Variants in RNF2 observed in about 807,000 individuals in gnomAD.
RNF2 encodes the protein ring finger protein 2, also known as E3 ubiquitin-protein ligase RING2.
Under a neutral mutation model 37.2 loss-of-function variants are expected in RNF2, and 6 were observed. That is an observed-to-expected ratio of 0.16 (90% CI 0.09 to 0.32). RNF2 has a LOEUF of 0.32. Ranked by LOEUF, RNF2 falls within the 10% of genes least tolerant of loss-of-function variation. RNF2 has a pLI of 1.00. For missense variants in RNF2, 251 were observed against 404.0 expected, an observed-to-expected ratio of 0.62 and a Z score of 3.25; for synonymous variants, 133 against 132.7, an observed-to-expected ratio of 1.00 and a Z score of -0.02.
chr1:185,089,081 G>A (rs1651689513), intron 2 of RNF2, among the ~76,000 whole-genome samples: 1 of 152,108 alleles, frequency 6.6e-6, no homozygotes, highest in Non-Finnish European at 1.5e-5. Context: ...ATGGTTTCAG[G>A]ATGAAACTGC....
chr1:185,093,227 G>A lies in RNF2; in HGVS notation c.415G>A (p.Ala139Thr). The change falls in exon 4 of 7, where the codon GCA (alanine) becomes ACA (threonine). Residue 139 changes from alanine (A) to threonine (T), a missense_variant. Transcript: ENST00000367510. The part of the protein sequence containing the change: ...ARINKHNNQQ[A>T]LSHSIEEGLK... ...GATCAACAAGCACAATAATCAGCAAGCACTCAGTCACAGCATTGAGGAAGG... is the reference window on the plus strand; with the variant it reads ...GATCAACAAGCACAATAATCAGCAAACACTCAGTCACAGCATTGAGGAAGG... 1.2e-6 allele frequency: 2 copies of A among 1,613,994 alleles called. No homozygotes were observed. The highest frequency in any genetic ancestry group is 1.7e-6 in the Non-Finnish European group (2 of 1,179,974).
At chr1:185,082,345 C>CTTTTTTTGTTTTTTTTTTTT in intron 1 of RNF2, among the ~76,000 whole-genome samples, 1 of 72,000 alleles carries the variant, frequency 1.4e-5, no homozygotes, top group Non-Finnish European at 2.9e-5. Flanking sequence ...CTCTGCAGAA[C>CTTTTTTTGTTTTTTTTTTTT]TTTTTTTTTT....
intron 1 of RNF2, chr1:185,045,992 C>T (rs910041917): frequency 1.5e-4 from 23 of 152,148 alleles, no homozygotes; most frequent in African/African-American, 4.8e-4. Context: ...CGGCGCGGTC[C>T]CCTCGCCTCC....
rs573673792 is a variant in RNF2, at chr1:185,081,037, T to C, written c.-2-6515T>C. ...GTTTTGGTTCTCTGAAAGATCTATC[T>C]AGGATATATGTTAGAAATAATGGCA... is the stretch of plus-strand genomic sequence containing the variant. On this transcript the variant is annotated intron_variant, in intron 1 of 6. Transcript: ENST00000367510. Among the ~76,000 whole-genome samples the C allele has an allele frequency of 3.9e-5, 6 of 152,294 alleles. No homozygotes were observed. The East Asian group carries it at 1.2e-3, about 29-fold the overall frequency.
At chr1:185,071,453 T>C (rs1650970618) in intron 1 of RNF2, 1 of 152,234 alleles carries the variant, frequency 6.6e-6, no homozygotes, top group Non-Finnish European at 1.5e-5. Context: ...AAATTACAGC[T>C]ATCTGTTTGG....
At chr1:185,061,257 A>G (rs1482746773) in intron 1 of RNF2, among the ~76,000 whole-genome samples, 3 of 151,542 alleles carry the variant, frequency 2.0e-5, no homozygotes, top group Non-Finnish European at 4.4e-5. Flanking sequence ...CCTCCCGAGT[A>G]GCTGGGACTA....
chr1:185,087,276 G>A (rs1034690543), intron 1 of RNF2, among the ~76,000 whole-genome samples: 4 of 152,192 alleles, frequency 2.6e-5, no homozygotes, highest in African/African-American at 9.7e-5. Context: ...AGCAGATGCA[G>A]TGTCTGGTGA....
At chr1:185,087,211 A>T (rs1230445750) in intron 1 of RNF2, among the ~76,000 whole-genome samples, 1 of 152,212 alleles carries the variant, frequency 6.6e-6, no homozygotes, top group African/African-American at 2.4e-5. Context: ...GTAATTTATA[A>T]GCAATAGAAA....
At chr1:185,058,489 A>G (rs1022849609) in intron 1 of RNF2, among the ~76,000 whole-genome samples, 1 of 152,226 alleles carries the variant, frequency 6.6e-6, no homozygotes, top group Admixed American at 6.5e-5. Context: ...CATGGACCTA[A>G]CAGGAATTTT....
chr1:185,091,454 A>G (rs1651763109), intron 2 of RNF2, 125 bp from the exon 3 acceptor site: 2 of 832,908 alleles, frequency 2.4e-6, no homozygotes, highest in African/African-American at 3.4e-5. Context: ...TGAGTTGACA[A>G]TGGCAGTGGC....
chr1:185,080,491 T>G (rs1328449483), intron 1 of RNF2, among the ~76,000 whole-genome samples: 1 of 152,166 alleles, frequency 6.6e-6, no homozygotes, highest in Non-Finnish European at 1.5e-5. Flanking sequence ...TCATAAGAAT[T>G]GAGATAATGA....
At chr1:185,055,708 G>A (rs1650412802) in intron 1 of RNF2, among the ~76,000 whole-genome samples, 1 of 152,238 alleles carries the variant, frequency 6.6e-6, no homozygotes, top group East Asian at 1.9e-4. Flanking sequence ...GGTGTGAGCC[G>A]CCGTGCCTGG....
chr1:185,061,276 C>T (rs545252211), intron 1 of RNF2, among the ~76,000 whole-genome samples: 39 of 151,848 alleles, frequency 2.6e-4, no homozygotes, highest in African/African-American at 8.9e-4. Context: ...TACAGGCGCC[C>T]GCCACCATGC....
At chr1:185,061,387 C>T (rs768753489) in intron 1 of RNF2, among the ~76,000 whole-genome samples, 8 of 151,678 alleles carry the variant, frequency 5.3e-5, no homozygotes, top group Non-Finnish European at 1.2e-4. Context: ...AAAAGGGAAA[C>T]AGAAATGAAA....
intron 2 of RNF2, 124 bp downstream of exon 2, chr1:185,087,764 C>A: frequency 1.4e-6 from 1 of 707,770 alleles, no homozygotes; most frequent in Non-Finnish European, 2.4e-6. Flanking sequence ...TTCCTGACTT[C>A]TGTATGTTGG....
chr1:185,046,152 C>T (rs1320032283), intron 1 of RNF2: 1 of 152,060 alleles, frequency 6.6e-6, no homozygotes, highest in Admixed American at 6.6e-5. Context: ...AGATATCGCT[C>T]CTTCCTTCTG....
chr1:185,071,561 C>T (rs999550555), intron 1 of RNF2: 5 of 152,902 alleles, frequency 3.3e-5, no homozygotes, highest in Admixed American at 2.6e-4. Flanking sequence ...TTTCTTTTCA[C>T]ATCATTACTG....
intron 1 of RNF2, among the ~76,000 whole-genome samples, chr1:185,066,330 G>A (rs1650798265): frequency 6.6e-6 from 1 of 152,076 alleles, no homozygotes; most frequent in Admixed American, 6.5e-5. Context: ...ATTTAATAGT[G>A]AACTACTTGG....
At chr1:185,051,520 G>T (rs1292633518) in intron 1 of RNF2, among the ~76,000 whole-genome samples, 1 of 152,182 alleles carries the variant, frequency 6.6e-6, no homozygotes, top group Non-Finnish European at 1.5e-5. Flanking sequence ...GTAAGTTTAA[G>T]GGGTGTATGT....
Sources: gnomAD v4.1 joint callset for allele counts (sites outside exome capture counted in the v4.1 genomes callset) on GRCh38, gnomAD v4.1.1 for gene constraint, MANE v1.5 for transcripts, NCBI Gene and HGNC (gene_info 2026-07-23, HGNC 2026-07-21) for gene names.